The following STXBP5L variants were observed in gnomAD, a reference collection of about 807,000 sequenced individuals.
STXBP5L encodes the protein syntaxin binding protein 5L, also known as syntaxin-binding protein 5-like.
In STXBP5L, 65 loss-of-function variants were observed where a neutral mutation model predicts 144.5. That is an observed-to-expected ratio of 0.45 (90% CI 0.37 to 0.55). STXBP5L has a LOEUF of 0.55. Among genes scored for constraint, STXBP5L ranks in the 20% least tolerant of loss-of-function variants. STXBP5L has a pLI of 0.00. For missense variants in STXBP5L, 1,298 were observed against 1,405.5 expected (o/e 0.92, Z 1.22); for synonymous variants, 505 against 469.6 (o/e 1.08, Z -0.97).
At chr3:121,040,480 A>G (rs540548971) in intron 3 of STXBP5L, among the ~76,000 whole-genome samples, 7 of 152,230 alleles carry the variant, frequency 4.6e-5, no homozygotes, top group African/African-American at 1.7e-4. Flanking sequence ...ATTCTTCAAG[A>G]AGGATGCTTT....
chr3:121,288,486 C>G (rs903648443), intron 19 of STXBP5L, among the ~76,000 whole-genome samples: 3 of 152,180 alleles, frequency 2.0e-5, no homozygotes, highest in Admixed American at 2.0e-4. Flanking sequence ...CTTTCATCCA[C>G]AGTCTCTCCA....
chr3:121,048,343 A>C (rs1487851293), intron 5 of STXBP5L, among the ~76,000 whole-genome samples: 1 of 152,026 alleles, frequency 6.6e-6, no homozygotes, highest in African/African-American at 2.4e-5. Context: ...CTTTTTGTGT[A>C]GTATCTCACG....
At chr3:121,121,929 T>C (rs567154068) in intron 7 of STXBP5L, among the ~76,000 whole-genome samples, 13 of 151,232 alleles carry the variant, frequency 8.6e-5, no homozygotes, top group South Asian at 8.3e-4. Flanking sequence ...ATAAAATCGG[T>C]ATTTAATTCT....
intron 22 of STXBP5L, among the ~76,000 whole-genome samples, chr3:121,402,611 C>G (rs1363771677): frequency 1.3e-5 from 2 of 152,172 alleles, no homozygotes; most frequent in East Asian, 3.8e-4. Flanking sequence ...TCAACTCTAC[C>G]TATCCTATTT....
intron 3 of STXBP5L, among the ~76,000 whole-genome samples, chr3:120,968,854 C>T (rs1039135991): frequency 4.6e-5 from 7 of 152,110 alleles, no homozygotes; most frequent in Admixed American, 4.6e-4. Flanking sequence ...CCCGCTCCAT[C>T]TAAGTTCCTG....
intron 23 of STXBP5L, among the ~76,000 whole-genome samples, chr3:121,408,788 T>C (rs2108744895): frequency 6.6e-6 from 1 of 152,052 alleles, no homozygotes; most frequent in African/African-American, 2.4e-5. Context: ...GGTGTCTGTA[T>C]TGAAGGCAAC....
chr3:121,070,775 A>T (rs2041774729), intron 5 of STXBP5L, among the ~76,000 whole-genome samples: 2 of 152,186 alleles, frequency 1.3e-5, no homozygotes, highest in African/African-American at 2.4e-5. Context: ...GCAGCTTGGC[A>T]GGCATCAAAA....
At chr3:120,909,879 G>C in intron 2 of STXBP5L, 112 bp downstream of exon 2, 3 of 1,122,646 alleles carry the variant, frequency 2.7e-6, no homozygotes, top group Non-Finnish European at 3.8e-6. Flanking sequence ...CAGCATCAGA[G>C]TCTGCTGCAG....
At chr3:121,006,171 T>G (rs1417192064) in intron 3 of STXBP5L, among the ~76,000 whole-genome samples, 1 of 152,176 alleles carries the variant, frequency 6.6e-6, no homozygotes, top group East Asian at 1.9e-4. Flanking sequence ...CTCCCATTAT[T>G]TTTGTGTGGG....
chr3:121,378,298 G>A (rs979639279), intron 20 of STXBP5L, among the ~76,000 whole-genome samples: 3 of 152,122 alleles, frequency 2.0e-5, no homozygotes, highest in African/African-American at 7.2e-5. Context: ...TAACAAACCT[G>A]CACATTCTGC....
rs369807784 is a variant in STXBP5L at position 121,223,047 on chromosome 3, C to T, written c.1001C>T (p.Ala334Val). ...IFSGGLSYDKACRRPSLTIMH... is the reference protein window; with the variant it reads ...IFSGGLSYDKVCRRPSLTIMH... Reference sequence around the variant, plus strand: ...TCTGGTGGGCTGTCCTATGACAAAGCTTGTAGAAGACCAAGTTTAACCATC... The same window carrying T: ...TCTGGTGGGCTGTCCTATGACAAAGTTTGTAGAAGACCAAGTTTAACCATC... The change falls in exon 11 of 27, where the codon GCT becomes GTT. Residue 334 changes from alanine to valine, a missense_variant. Ala to Val is a moderately conservative substitution (Grantham distance 64). Coordinates refer to ENST00000471454, the MANE Select transcript of STXBP5L (RefSeq NM_001308330.2). 3.7e-6 allele frequency: 6 copies of T among 1,612,838 alleles called. No homozygotes were observed. Among genetic ancestry groups the T allele is most frequent in the Non-Finnish European group, 4.2e-6 (5 of 1,179,462 alleles).
chr3:121,044,790 C>T (rs561186757), intron 4 of STXBP5L, among the ~76,000 whole-genome samples: 14 of 152,004 alleles, frequency 9.2e-5, no homozygotes, highest in South Asian at 6.2e-4. Context: ...CTATTGTATG[C>T]GAAATAGGAT....
intron 5 of STXBP5L, among the ~76,000 whole-genome samples, chr3:121,056,612 T>C (rs1209740807): frequency 6.6e-6 from 1 of 152,154 alleles, no homozygotes; most frequent in East Asian, 1.9e-4. Context: ...CTTTTCAAAG[T>C]GTTGCATAAC....
chr3:120,985,409 T>C (rs1942198720), intron 3 of STXBP5L, among the ~76,000 whole-genome samples: 1 of 152,056 alleles, frequency 6.6e-6, no homozygotes, highest in African/African-American at 2.4e-5. Flanking sequence ...ACCTGAAATA[T>C]GTATCTTTTT....
chr3:120,910,566 C>A (rs576031399), intron 2 of STXBP5L, among the ~76,000 whole-genome samples: 21 of 151,944 alleles, frequency 1.4e-4, no homozygotes, highest in Non-Finnish European at 2.8e-4. Context: ...GCAACAAAGG[C>A]TACTAAGTTA....
chr3:121,101,246 G>T (rs938041828), intron 5 of STXBP5L, among the ~76,000 whole-genome samples: 2 of 151,986 alleles, frequency 1.3e-5, no homozygotes, highest in African/African-American at 2.4e-5. Flanking sequence ...ATTTTATGAA[G>T]CCAGTATCAC....
At chr3:120,934,262 A>G (rs1230903977) in intron 2 of STXBP5L, among the ~76,000 whole-genome samples, 1 of 151,972 alleles carries the variant, frequency 6.6e-6, no homozygotes, top group East Asian at 1.9e-4. Context: ...CCCATGTGCT[A>G]TTTAGAAGTG....
intron 22 of STXBP5L, among the ~76,000 whole-genome samples, chr3:121,383,531 T>C (rs923614147): frequency 6.6e-6 from 1 of 152,124 alleles, no homozygotes; most frequent in South Asian, 2.1e-4. Flanking sequence ...AATCTGAAAC[T>C]GCTGTTAAAA....
intron 20 of STXBP5L, among the ~76,000 whole-genome samples, chr3:121,349,344 C>T (rs144448990): frequency 6.6e-6 from 1 of 151,842 alleles, no homozygotes; most frequent in Admixed American, 6.6e-5. Flanking sequence ...AATTTCTGTT[C>T]TTTTACATTT....
Sources: gnomAD v4.1 joint callset for allele counts (sites outside exome capture counted in the v4.1 genomes callset) on GRCh38, gnomAD v4.1.1 for gene constraint, MANE v1.5 for transcripts, NCBI Gene and HGNC (gene_info 2026-07-23, HGNC 2026-07-21) for gene names.